Variants in TMEM130 observed in about 807,000 individuals in gnomAD.
TMEM130 encodes the protein transmembrane protein 130.
A neutral mutation model predicts 42.9 loss-of-function variants in TMEM130; 37 were observed. The ratio of observed to expected loss-of-function variants is 0.86; its 90% CI spans 0.66 to 1.13. The LOEUF (loss-of-function observed/expected upper bound fraction) is 1.13, where lower values mean the gene tolerates loss of function less well. Among genes scored for constraint, TMEM130 ranks in the 50% most tolerant of loss-of-function variants. The pLI is 0.00. For synonymous variants in TMEM130, 259 were observed against 237.7 expected, an observed-to-expected ratio of 1.09 and a Z score of -0.82; for missense variants, 545 against 562.6, an observed-to-expected ratio of 0.97 and a Z score of 0.32.
intron 4 of TMEM130, 85 bp downstream of exon 4, chr7:98,855,932 G>T: frequency 6.8e-7 from 1 of 1,471,464 alleles, no homozygotes. Context: ...CAGGGCGTGA[G>T]TCCAGCCCAG....
intron 6 of TMEM130, among the ~76,000 whole-genome samples, chr7:98,850,482 T>C (rs1288952071): frequency 2.0e-5 from 3 of 151,560 alleles, no homozygotes; most frequent in African/African-American, 7.3e-5. Context: ...TTTTGCCATG[T>C]TGGCCAGGCT....
intron 6 of TMEM130, 91 bp downstream of exon 6, chr7:98,851,330 T>C: frequency 7.4e-7 from 1 of 1,345,562 alleles, no homozygotes; most frequent in Non-Finnish European, 1.1e-6. Context: ...TTGGTAAGGC[T>C]GGCTGGTAGG....
At chr7:98,851,286 G>C in intron 6 of TMEM130, 135 bp downstream of exon 6, 1 of 843,306 alleles carries the variant, frequency 1.2e-6, no homozygotes, top group South Asian at 1.6e-5. Context: ...GTTATGGATG[G>C]TGCTGATGCT....
In TMEM130 at chr7:98,869,123, G is replaced by C; in HGVS notation, c.85+654C>G. On this transcript the variant is annotated intron_variant, in intron 1 of 7. Transcript: ENST00000339375. The surrounding 1 kb of genome is among the most constrained non-coding windows in gnomAD (Gnocchi z 4.7). ...GTTCCCAAAATGTGGCAGAGAGGTG[G>C]GTGCTGGCTTTCTGGCGGTGGGGAA... The C allele has an allele frequency of 1.7e-6, 2 of 1,210,126 alleles. No homozygotes were observed. Among genetic ancestry groups the C allele is most frequent in the Non-Finnish European group, 2.1e-6 (2 of 940,670 alleles). 75.0% of individuals were successfully genotyped at this position (1,210,126 alleles called of 1,614,324 possible).
At chr7:98,852,148 T>G (rs1794524643) in intron 5 of TMEM130, among the ~76,000 whole-genome samples, 1 of 152,044 alleles carries the variant, frequency 6.6e-6, no homozygotes, top group Admixed American at 6.6e-5. Context: ...TTTTTATTAA[T>G]TATTTATTTA....
At chr7:98,859,016 G>GGGAAGGAAGGAA (rs567073057) in intron 3 of TMEM130, among the ~76,000 whole-genome samples, 3 of 145,814 alleles carry the variant, frequency 2.1e-5, no homozygotes, top group Admixed American at 6.9e-5. Context: ...GAGAGGAAGG[G>GGGAAGGAAGGAA]GGAAGGAAGG....
At chr7:98,859,911 A>C (rs934583610) in intron 3 of TMEM130, among the ~76,000 whole-genome samples, 16 of 151,884 alleles carry the variant, frequency 1.1e-4, no homozygotes, top group African/African-American at 3.9e-4. Context: ...AATAAAAAAA[A>C]TACAAAAATT....
rs1794631475 is a variant in TMEM130 at position 98,856,242 on chromosome 7, G to C, written c.552-59C>G. 2.6e-6 allele frequency: 4 copies of C among 1,550,110 alleles called. No individual in the cohort carries two copies. The South Asian group carries it at 4.6e-5, about 18-fold the overall frequency. Reference sequence around the variant, plus strand: ...CAGCAGACGGTTGCTTCCCCTTCCTGTAACTCAGAAGTGATTCATGGGACT... The same window carrying C: ...CAGCAGACGGTTGCTTCCCCTTCCTCTAACTCAGAAGTGATTCATGGGACT... On this transcript the variant is annotated intron_variant, in intron 3 of 7. Coordinates refer to ENST00000339375, the MANE Select transcript of TMEM130 (RefSeq NM_152913.3).
chr7:98,858,012 G>T (rs1464699602), intron 3 of TMEM130, among the ~76,000 whole-genome samples: 1 of 151,996 alleles, frequency 6.6e-6, no homozygotes. Context: ...AAAGTGCTGG[G>T]ATTACAGAAG....
rs1216841018 is a variant in TMEM130, at chr7:98,847,943, G to C, written c.*113C>G. The C allele has an allele frequency of 2.9e-6, 3 of 1,044,636 alleles. No homozygotes were observed. The highest frequency in any genetic ancestry group is 4.3e-6 in the Non-Finnish European group (3 of 702,502). The allele number at this position is 1,044,636 out of a possible 1,614,324, so 64.7% of individuals were successfully genotyped here. On this transcript the variant is annotated 3_prime_UTR_variant, in exon 8 of 8. Transcript: ENST00000339375. ...ACTGTACAGATGGATGGATGATCCA[G>C]GCCAACAGCCCCACGCAAATGAACC...
chr7:98,854,032 G>GT (rs199894194), intron 5 of TMEM130, among the ~76,000 whole-genome samples: 21 of 104,462 alleles, frequency 2.0e-4, no homozygotes, highest in African/African-American at 3.3e-4. Flanking sequence ...TTGTTTTTTG[G>GT]TTTTTTTTTG....
intron 1 of TMEM130, among the ~76,000 whole-genome samples, chr7:98,868,649 A>T (rs1794962211): frequency 6.7e-6 from 1 of 148,628 alleles, no homozygotes; most frequent in Admixed American, 6.8e-5. Flanking sequence ...GTGAGGGAGA[A>T]GATGTTTCCC....
At chr7:98,859,016 GGGAAGGAAGGAA>G (rs567073057) in intron 3 of TMEM130, among the ~76,000 whole-genome samples, 49 of 145,942 alleles carry the variant, frequency 3.4e-4, no homozygotes, top group African/African-American at 1.1e-3. Flanking sequence ...GAGAGGAAGG[GGGAAGGAAGGAA>G]GGAAGGAAGA....
Position 98,856,119 on chromosome 7 carries a change from C to G in TMEM130, c.616G>C (p.Val206Leu), listed in dbSNP as rs76436118. Residue 206 changes from valine to leucine, a missense_variant, in exon 4 of 8, where the codon GTG becomes CTG. Val to Leu is a conservative substitution (Grantham distance 32). Coordinates refer to ENST00000339375, the MANE Select transcript of TMEM130 (RefSeq NM_152913.3). ...YNYSIIGTFT[V>L]KLKVVAEWEE... is the part of the protein sequence containing the mutation. ...CACTCCGCCACCACTTTGAGCTTCA[C>G]GGTGAAGGTCCCGATGATGGAATAG... is the stretch of plus-strand genomic sequence containing the variant. 2 of 1,614,042 alleles carry G rather than the reference C, an allele frequency of 1.2e-6. No individual in the cohort carries two copies. The highest frequency in any genetic ancestry group is 1.7e-6 in the Non-Finnish European group (2 of 1,180,038).
intron 2 of TMEM130, among the ~76,000 whole-genome samples, chr7:98,861,570 C>G (rs1045073145): frequency 2.0e-5 from 3 of 152,110 alleles, no homozygotes; most frequent in Non-Finnish European, 4.4e-5. Context: ...CAAAAATTAG[C>G]TGGGTGTGGT....
intron 2 of TMEM130, among the ~76,000 whole-genome samples, chr7:98,861,806 TAAG>T (rs1554399820): frequency 1.3e-5 from 2 of 152,174 alleles, no homozygotes; most frequent in South Asian, 2.1e-4. Context: ...AAACATAAAA[TAAG>T]AAGAAAAGAA....
chr7:98,869,637 T>C lies in TMEM130; in HGVS notation c.85+140A>G. ...GAGGGGAAAGGGCGCTGCAGTGGCC[T>C]CAGCCGAGGAGGGAGATGCGCGCAG... On this transcript the variant is annotated intron_variant, in intron 1 of 7. Transcript: ENST00000339375. This position sits in a 1 kb window ranked among gnomAD's most constrained non-coding sequence, Gnocchi z 4.7. 1.4e-6 allele frequency: 1 copy of C among 692,000 alleles called. No homozygotes were observed. Among genetic ancestry groups the C allele is most frequent in the South Asian group, 3.2e-5 (1 of 31,300 alleles). 42.9% of individuals were successfully genotyped at this position (692,000 alleles called of 1,614,324 possible).
Position 98,848,139 on chromosome 7 carries a change from G to C in TMEM130, c.1189C>G (p.Pro397Ala), listed in dbSNP as rs562170511. The C allele has an allele frequency of 5.8e-5, 93 of 1,614,116 alleles. No homozygotes were observed. In the South Asian group the frequency reaches 9.6e-4, roughly 17 times the overall value. Residue 397 changes from proline to alanine, a missense_variant, in exon 8 of 8, where the codon CCA becomes GCA. Transcript: ENST00000339375. ...MCCGPFLLET[P>A]SEYLEIVREN... ...CGAACAATTTCCAGGTACTCAGATG[G>C]AGTCTCCAGCAAGAAAGGCCCACAG...
Position 98,851,453 on chromosome 7 carries a change from T to C in TMEM130, c.974A>G (p.His325Arg). Residue 325 changes from histidine to arginine, a missense_variant, in exon 6 of 8, where the codon CAT becomes CGT. Transcript: ENST00000339375. The part of the protein sequence containing the change: ...IRAENIISKT[H>R]QYHKIQVWPS... ...CCACACCTGGATCTTGTGGTACTGA[T>C]GTGTCTTGCTGATGATATTCTCGGC... The C allele has an allele frequency of 1.2e-6, 2 of 1,614,070 alleles. No homozygotes were observed. The highest frequency in any genetic ancestry group is 1.7e-6 in the Non-Finnish European group (2 of 1,180,022).
Sources: gnomAD v4.1 joint callset for allele counts (sites outside exome capture counted in the v4.1 genomes callset) on GRCh38, gnomAD v4.1.1 for gene constraint, Gnocchi (gnomAD v3.1) non-coding constraint, MANE v1.5 for transcripts, NCBI Gene and HGNC (gene_info 2026-07-23, HGNC 2026-07-21) for gene names.